The following GULP1 variants were observed in gnomAD, a reference collection of about 807,000 sequenced individuals.
The protein encoded by GULP1 is PTB domain-containing engulfment adapter protein 1.
GULP1 carries 19 observed loss-of-function variants against 40.9 expected under a neutral mutation model. The observed-to-expected ratio is 0.46, with a 90% CI of 0.32 to 0.68. The LOEUF is 0.68. GULP1 is among the 30% of genes least tolerant of loss of function. GULP1 has a pLI of 0.03. For missense variants in GULP1, 312 were observed against 362.2 expected, an observed-to-expected ratio of 0.86 and a Z score of 1.12; for synonymous variants, 119 against 117.6, an observed-to-expected ratio of 1.01 and a Z score of -0.08.
intron 2 of GULP1, among the ~76,000 whole-genome samples, chr2:188,384,787 G>A (rs1386372096): frequency 2.6e-5 from 4 of 152,146 alleles, no homozygotes; most frequent in Admixed American, 1.3e-4. Flanking sequence ...CAGGCCCCAC[G>A]CTGTTCCAAA....
chr2:188,382,810 T>C (rs1011469262), intron 1 of GULP1, among the ~76,000 whole-genome samples: 3 of 152,122 alleles, frequency 2.0e-5, no homozygotes, highest in Admixed American at 1.3e-4. Context: ...ACAAATACAT[T>C]GAACAAATAG....
intron 1 of GULP1, among the ~76,000 whole-genome samples, chr2:188,319,322 C>G (rs138961836): frequency 1.1e-4 from 17 of 152,170 alleles, no homozygotes; most frequent in African/African-American, 3.6e-4. Flanking sequence ...CCCCTTACAC[C>G]CACGTCCCTC....
chr2:188,543,741 A>G (rs1193093906), intron 7 of GULP1, among the ~76,000 whole-genome samples: 1 of 152,136 alleles, frequency 6.6e-6, no homozygotes, highest in Admixed American at 6.6e-5. Flanking sequence ...ACTAAAATCT[A>G]AGACTCATAA....
intron 6 of GULP1, among the ~76,000 whole-genome samples, chr2:188,531,122 C>T (rs956510095): frequency 6.6e-6 from 1 of 152,216 alleles, no homozygotes; most frequent in Non-Finnish European, 1.5e-5. Flanking sequence ...CCACCAGCAA[C>T]TGCATCTATT....
intron 9 of GULP1, among the ~76,000 whole-genome samples, chr2:188,571,118 C>T (rs1698938634): frequency 6.6e-6 from 1 of 152,106 alleles, no homozygotes; most frequent in Non-Finnish European, 1.5e-5. Flanking sequence ...GATAGCACCA[C>T]TCCACTGCAG....
intron 11 of GULP1, chr2:188,591,287 G>C (rs895342975): frequency 3.9e-5 from 6 of 152,010 alleles, no homozygotes; most frequent in African/African-American, 1.4e-4. Flanking sequence ...CAATACAACT[G>C]AAAGTGTGAT....
chr2:188,345,280 T>A (rs574870517), intron 1 of GULP1, among the ~76,000 whole-genome samples: 2 of 152,342 alleles, frequency 1.3e-5, no homozygotes, highest in African/African-American at 4.8e-5. Flanking sequence ...CAGTTGCTCC[T>A]GCTGTCACAA....
chr2:188,318,930 C>T (rs1326148849), intron 1 of GULP1, among the ~76,000 whole-genome samples: 2 of 152,118 alleles, frequency 1.3e-5, no homozygotes, highest in East Asian at 3.9e-4. Flanking sequence ...CTTTCCTGGA[C>T]AGAGTCAAGA....
At chr2:188,329,321 A>G (rs1253841569) in intron 1 of GULP1, among the ~76,000 whole-genome samples, 1 of 152,090 alleles carries the variant, frequency 6.6e-6, no homozygotes, top group Admixed American at 6.6e-5. Context: ...TCTGAATTTA[A>G]TGCAGCACCC....
In GULP1 at chr2:188,311,379, T is replaced by G. The variant is rs1166476895; in HGVS notation, c.-172+19213T>G. Among the ~76,000 whole-genome samples, 4 of 152,136 alleles carry G rather than the reference T, an allele frequency of 2.6e-5. No homozygotes were observed. The East Asian group carries it at 7.7e-4, about 29-fold the overall frequency. ...GCCCAGCTAATTTTTGTATTTTTAG[T>G]AGAGACGGGGTTTCACCATGTTGGT... is the stretch of plus-strand genomic sequence containing the variant. On this transcript the variant is annotated intron_variant, in intron 1 of 11. Coordinates refer to ENST00000409830, the MANE Select transcript of GULP1 (RefSeq NM_016315.4).
At chr2:188,534,263 A>G (rs540290751) in intron 6 of GULP1, among the ~76,000 whole-genome samples, 30 of 152,168 alleles carry the variant, frequency 2.0e-4, no homozygotes, top group South Asian at 1.0e-3. Context: ...TGGATTGGAT[A>G]AAGAAAATGT....
intron 2 of GULP1, among the ~76,000 whole-genome samples, chr2:188,414,100 C>G (rs1410931003): frequency 1.3e-5 from 2 of 151,366 alleles, no homozygotes; most frequent in African/African-American, 4.9e-5. Flanking sequence ...GCCTGTAATC[C>G]CAGCTACTCA....
intron 4 of GULP1, among the ~76,000 whole-genome samples, chr2:188,484,833 G>T (rs1341753599): frequency 6.6e-6 from 1 of 152,098 alleles, no homozygotes; most frequent in Non-Finnish European, 1.5e-5. Context: ...TACCAGCAAA[G>T]AAATCTGAAA....
At chr2:188,374,173 C>G (rs10190081) in intron 1 of GULP1, among the ~76,000 whole-genome samples, 3,511 of 152,042 alleles carry the variant, frequency 0.023, 149 homozygotes, top group African/African-American at 0.08. Context: ...TTTAAAACAC[C>G]AAAAGAGTAT....
chr2:188,580,702 C>A (rs1337145751), intron 9 of GULP1, among the ~76,000 whole-genome samples: 1 of 152,214 alleles, frequency 6.6e-6, no homozygotes, highest in Non-Finnish European at 1.5e-5. Flanking sequence ...TCTCACTTTA[C>A]ATGGCTTCCT....
chr2:188,364,577 G>C (rs995847949), intron 1 of GULP1, among the ~76,000 whole-genome samples: 3 of 152,080 alleles, frequency 2.0e-5, no homozygotes, highest in African/African-American at 7.2e-5. Flanking sequence ...CTCTGGGAGG[G>C]AGATGCTAGT....
At position 188,355,170 on chromosome 2, in the gene GULP1, AAAG is replaced by A. The variant is rs561629868; in HGVS notation, c.-171-28589_-171-28587del. Among the ~76,000 whole-genome samples, 529 of 152,220 alleles carry A rather than the reference AAAG, an allele frequency of 3.5e-3. 2 individuals are homozygous for A. The highest frequency in any genetic ancestry group is 6.8e-3 in the Middle Eastern group (2 of 294). The stretch of plus-strand genomic sequence containing the variant: ...AAGAACAAACCAAACCCAAAATTAG[AAAG>A]AAGGAGTAAAGATAAACAGAAATTA... On this transcript the variant is annotated intron_variant, in intron 1 of 11. Transcript: ENST00000409830.
At chr2:188,543,044 A>G (rs6727633) in intron 7 of GULP1, among the ~76,000 whole-genome samples, 136,413 of 152,164 alleles carry the variant, frequency 0.9, 62,186 homozygotes, top group South Asian at 0.99. Context: ...TGTTAAATTA[A>G]TATTTAAAAT....
At chr2:188,495,950 A>G (rs1311333499) in intron 4 of GULP1, among the ~76,000 whole-genome samples, 1 of 152,040 alleles carries the variant, frequency 6.6e-6, no homozygotes, top group Admixed American at 6.6e-5. Flanking sequence ...GCATATTTTA[A>G]TAACATGACC....
Sources: allele counts gnomAD v4.1 joint callset (sites outside exome capture counted in the v4.1 genomes callset), GRCh38; gene constraint gnomAD v4.1.1; transcripts MANE v1.5; gene names NCBI Gene and HGNC (gene_info 2026-07-23, HGNC 2026-07-21).